The following ST6GAL1 variants were observed in gnomAD, a reference collection of about 807,000 sequenced individuals.
The protein encoded by ST6GAL1 is beta-galactoside alpha-2,6-sialyltransferase 1.
ST6GAL1 carries 20 observed loss-of-function variants against 38.0 expected under a neutral mutation model. The ratio of observed to expected loss-of-function variants is 0.53; its 90% CI spans 0.37 to 0.77. The LOEUF is 0.77. ST6GAL1 is among the 30% of genes least tolerant of loss of function. The pLI is 0.00. For synonymous variants in ST6GAL1, 196 were observed against 188.2 expected, an observed-to-expected ratio of 1.04 and a Z score of -0.34; for missense variants, 432 against 496.4, an observed-to-expected ratio of 0.87 and a Z score of 1.23.
intron 5 of ST6GAL1, among the ~76,000 whole-genome samples, chr3:187,071,776 C>CA (rs11330261): frequency 0.048 from 3,490 of 72,158 alleles, 207 homozygotes; most frequent in African/African-American, 0.13. Flanking sequence ...GACTCCGCCT[C>CA]AAAAAAAAAA....
intron 2 of ST6GAL1, among the ~76,000 whole-genome samples, chr3:187,003,152 A>G (rs1319784415): frequency 6.6e-6 from 1 of 150,886 alleles, no homozygotes; most frequent in Admixed American, 6.6e-5. Context: ...GTCCAAAGGC[A>G]GGGGGAAAAA....
intron 2 of ST6GAL1, among the ~76,000 whole-genome samples, chr3:187,034,126 T>C (rs1713666501): frequency 6.6e-6 from 1 of 152,158 alleles, no homozygotes; most frequent in Non-Finnish European, 1.5e-5. Context: ...AGACTATTAA[T>C]ACCTCTGTTC....
intron 2 of ST6GAL1, among the ~76,000 whole-genome samples, chr3:187,000,250 G>A (rs1156517450): frequency 6.6e-6 from 1 of 152,084 alleles, no homozygotes; most frequent in Admixed American, 6.6e-5. Context: ...TTTTAGTGTT[G>A]ACCAAAAGTT....
At chr3:187,048,571 C>T (rs1004642493) in intron 4 of ST6GAL1, among the ~76,000 whole-genome samples, 10 of 152,040 alleles carry the variant, frequency 6.6e-5, no homozygotes, top group Non-Finnish European at 1.2e-4. Flanking sequence ...TGTCACAATC[C>T]GAAATTATCT....
chr3:186,984,144 TC>T, intron 2 of ST6GAL1, among the ~76,000 whole-genome samples: 1 of 133,824 alleles, frequency 7.5e-6, no homozygotes, highest in Admixed American at 8.4e-5. Context: ...GACTCTTCTC[TC>T]TCTCACACTC....
chr3:187,051,176 G>C, intron 4 of ST6GAL1, 73 bp from the exon 5 acceptor site: 184 of 1,101,028 alleles, frequency 1.7e-4, no homozygotes, highest in Admixed American at 3.3e-4. Flanking sequence ...CCCCTCCCCC[G>C]CCTCTCGTCT....
At chr3:187,026,453 G>A (rs1407107780) in intron 2 of ST6GAL1, among the ~76,000 whole-genome samples, 2 of 152,278 alleles carry the variant, frequency 1.3e-5, no homozygotes, top group Middle Eastern at 3.4e-3. Context: ...CATAGTAAAA[G>A]CTCATTAATT....
intron 2 of ST6GAL1, among the ~76,000 whole-genome samples, chr3:186,993,557 TTTATTTATTTA>T (rs533457104): frequency 0.042 from 273 of 6,568 alleles, 1 homozygote; most frequent in South Asian, 0.32. Flanking sequence ...TTGACAGAGT[TTTATTTATTTA>T]TTTATTTATT....
chr3:187,046,076 A>G (rs964669844), intron 4 of ST6GAL1, among the ~76,000 whole-genome samples: 5 of 152,214 alleles, frequency 3.3e-5, no homozygotes, highest in African/African-American at 7.2e-5. Flanking sequence ...TCACTTCTCT[A>G]TGAGTCCCTG....
chr3:186,946,854 G>A (rs904254043), intron 1 of ST6GAL1, among the ~76,000 whole-genome samples: 1 of 152,284 alleles, frequency 6.6e-6, no homozygotes, highest in East Asian at 1.9e-4. Context: ...TGAACACTGT[G>A]GGGGATTTGA....
intron 2 of ST6GAL1, among the ~76,000 whole-genome samples, chr3:187,024,214 C>T (rs930082748): frequency 2.6e-5 from 4 of 151,996 alleles, no homozygotes; most frequent in African/African-American, 9.6e-5. Flanking sequence ...CTGCCTCAGC[C>T]TCCTGAGTAG....
At chr3:186,974,602 G>A (rs1176876160) in intron 2 of ST6GAL1, among the ~76,000 whole-genome samples, 1 of 152,042 alleles carries the variant, frequency 6.6e-6, no homozygotes, top group Non-Finnish European at 1.5e-5. Context: ...CATTAGTGGG[G>A]TCAGCTTTAG....
chr3:186,989,662 G>A (rs969629641), intron 2 of ST6GAL1, among the ~76,000 whole-genome samples: 1 of 152,214 alleles, frequency 6.6e-6, no homozygotes, highest in Non-Finnish European at 1.5e-5. Flanking sequence ...TGGATGCAAA[G>A]CTAATGATTA....
chr3:187,076,709 G>A lies in ST6GAL1; in HGVS notation c.*906G>A, dbSNP rs1045789004. ...ATGGCAAGCAGATTACATCTGAGCC[G>A]TTTGAATTGTGTTTTTCTTTCTTCC... On this transcript the variant is annotated 3_prime_UTR_variant, in exon 8 of 8. Coordinates refer to ENST00000169298, the MANE Select transcript of ST6GAL1 (RefSeq NM_173216.2). 11 of 397,604 alleles carry A rather than the reference G, an allele frequency of 2.8e-5. No individual in the cohort carries two copies. Among genetic ancestry groups the A allele is most frequent in the South Asian group, 1.4e-4 (1 of 7,076 alleles). 24.6% of individuals were successfully genotyped at this position (397,604 alleles called of 1,614,324 possible).
chr3:186,956,301 G>C (rs1714747829), intron 1 of ST6GAL1, among the ~76,000 whole-genome samples: 2 of 152,124 alleles, frequency 1.3e-5, no homozygotes, highest in African/African-American at 4.8e-5. Context: ...TAACCCATTT[G>C]GTGGCAAAAC....
intron 5 of ST6GAL1, among the ~76,000 whole-genome samples, chr3:187,060,663 C>T (rs1159044787): frequency 2.0e-5 from 3 of 152,136 alleles, no homozygotes; most frequent in East Asian, 3.8e-4. Context: ...GGGCTGCTTG[C>T]GATTTGCAGT....
At chr3:186,970,882 G>A (rs562963292) in intron 2 of ST6GAL1, among the ~76,000 whole-genome samples, 1 of 152,144 alleles carries the variant, frequency 6.6e-6, no homozygotes, top group Non-Finnish European at 1.5e-5. Flanking sequence ...TCTGATTTTT[G>A]TGTGGACATA....
At chr3:187,058,093 C>T (rs257103) in intron 5 of ST6GAL1, among the ~76,000 whole-genome samples, 43,641 of 152,158 alleles carry the variant, frequency 0.29, 7,168 homozygotes, top group South Asian at 0.38. Flanking sequence ...TCCTGGGACC[C>T]GCTGAGCCAG....
intron 1 of ST6GAL1, among the ~76,000 whole-genome samples, chr3:186,954,038 G>A (rs1714667018): frequency 6.6e-6 from 1 of 152,036 alleles, no homozygotes; most frequent in Non-Finnish European, 1.5e-5. Context: ...GTGTCCATGT[G>A]TTCTTATTGT....
Sources: allele counts gnomAD v4.1 joint callset (sites outside exome capture counted in the v4.1 genomes callset), GRCh38; gene constraint gnomAD v4.1.1; transcripts MANE v1.5; gene names NCBI Gene and HGNC (gene_info 2026-07-23, HGNC 2026-07-21).